The following MINK1 variants were observed in gnomAD, a reference collection of about 807,000 sequenced individuals.
The protein encoded by MINK1 is misshapen-like kinase 1.
A neutral mutation model predicts 178.4 loss-of-function variants in MINK1; 46 were observed. The observed-to-expected ratio is 0.26, with a 90% CI of 0.20 to 0.33. The LOEUF is 0.33. Ranked by LOEUF, MINK1 falls within the 10% of genes least tolerant of loss-of-function variation. The pLI, the probability that MINK1 is intolerant of heterozygous loss-of-function variation, is 1.00. For missense variants in MINK1, 1,366 were observed against 1,814.9 expected (o/e 0.75, Z 4.49); for synonymous variants, 797 against 709.7 (o/e 1.12, Z -1.96).
rs1433481469 is a variant in MINK1 at position 4,886,768 on chromosome 17, C to T, written c.949+142C>T. The T allele has an allele frequency of 7.1e-6, 7 of 979,562 alleles. 1 individual carries two copies. The African/African-American group carries it at 1.2e-4, about 16-fold the overall frequency. 60.7% of individuals were successfully genotyped at this position (979,562 alleles called of 1,614,324 possible). On this transcript the variant is annotated intron_variant, in intron 10 of 31. Coordinates refer to ENST00000355280, the MANE Select transcript of MINK1 (RefSeq NM_153827.5). The surrounding 1 kb of genome is among the most constrained non-coding windows in gnomAD (Gnocchi z 6.1). ...CCTGTCCAAGGAGATCGTTCTCAAA[C>T]TTGCAACCCCCAAGGGGTTTTCCCT...
chr17:4,844,731 A>G (rs941816158), intron 1 of MINK1: 6 of 320,158 alleles, frequency 1.9e-5, no homozygotes, highest in Admixed American at 1.9e-4. Context: ...AGACTTCAGA[A>G]TATTTGGTCT....
At chr17:4,891,796 A>G (rs747094414) in intron 16 of MINK1, 80 bp downstream of exon 16, 38 of 1,480,444 alleles carry the variant, frequency 2.6e-5, no homozygotes, top group Non-Finnish European at 3.2e-5. Flanking sequence ...GGCAGGCCAC[A>G]TGGAGGAAGA....
At position 4,885,762 on chromosome 17, in the gene MINK1, G is replaced by A. The variant is rs746817269; in HGVS notation, c.639+149G>A. The A allele has an allele frequency of 2.7e-5, 37 of 1,395,584 alleles. No individual in the cohort carries two copies. Among genetic ancestry groups the A allele is most frequent in the South Asian group, 1.9e-4 (15 of 77,088 alleles). The allele number at this position is 1,395,584 out of a possible 1,614,324, so 86.5% of individuals were successfully genotyped here. A position where few individuals can be genotyped will look rare whatever the true frequency, so the allele number is the denominator to read the frequency against. ...GAACATCTTACGGCAAGGCAAGTGTGGGTGGGAAGATGGGATGGGTTGGAA... is the reference window on the plus strand; with the variant it reads ...GAACATCTTACGGCAAGGCAAGTGTAGGTGGGAAGATGGGATGGGTTGGAA... On this transcript the variant is annotated intron_variant, in intron 7 of 31. Coordinates refer to ENST00000355280, the MANE Select transcript of MINK1 (RefSeq NM_153827.5). This position sits in a 1 kb window ranked among gnomAD's most constrained non-coding sequence, Gnocchi z 5.0.
In MINK1 at chr17:4,890,530, A is replaced by G. The variant is rs564944538; in HGVS notation, c.1361A>G (p.Lys454Arg). ...QAEREQEYKR[K>R]QLEEQRQSER... ...CCTTGGGCCCAGGAATACAAGCGGA[A>G]GCAGCTGGAGGAGCAGCGGCAGTCA... The change falls in exon 14 of 32, where the codon AAG (lysine) becomes AGG (arginine). Residue 454 changes from lysine to arginine, a missense_variant. Coordinates refer to ENST00000355280, the MANE Select transcript of MINK1 (RefSeq NM_153827.5). The G allele has an allele frequency of 6.3e-7, 1 of 1,589,500 alleles. No homozygotes were observed. The highest frequency in any genetic ancestry group is 1.3e-5 in the African/African-American group (1 of 74,378).
intron 1 of MINK1, among the ~76,000 whole-genome samples, chr17:4,864,936 G>A (rs905339762): frequency 2.2e-4 from 34 of 152,048 alleles, no homozygotes; most frequent in Admixed American, 2.1e-3. Flanking sequence ...CCCCAGCCTC[G>A]GTCAGGTGTG....
At chr17:4,888,432 T>G (rs1181674480) in intron 12 of MINK1, among the ~76,000 whole-genome samples, 1 of 151,838 alleles carries the variant, frequency 6.6e-6, no homozygotes, top group Non-Finnish European at 1.5e-5. Context: ...GATCAGGAGT[T>G]CGAGACCAGC....
chr17:4,886,024 C>T lies in MINK1; in HGVS notation c.694+59C>T, dbSNP rs1968163248. 6.2e-7 allele frequency: 1 copy of T among 1,609,746 alleles called. No individual in the cohort carries two copies. The highest frequency in any genetic ancestry group is 1.7e-5 in the Admixed American group (1 of 59,984). ...GGGAAAGGAAGGGCCCAGAGAGTGG[C>T]TGTAGGGAGGAGGTGGGTCCTGGGA... On this transcript the variant is annotated intron_variant, in intron 8 of 31. Transcript: ENST00000355280. This position sits in a 1 kb window ranked among gnomAD's most constrained non-coding sequence, Gnocchi z 6.1.
chr17:4,891,165 A>G, intron 15 of MINK1, 41 bp downstream of exon 15: 1 of 1,455,086 alleles, frequency 6.9e-7, no homozygotes, highest in Non-Finnish European at 9.1e-7. Flanking sequence ...AGACACAGGG[A>G]GCTTTGTTCA....
chr17:4,896,518 C>G lies in MINK1; in HGVS notation c.3705C>G (p.Val1235=). 2.5e-6 allele frequency: 4 copies of G among 1,613,968 alleles called. No homozygotes were observed. The highest frequency in any genetic ancestry group is 3.4e-6 in the Non-Finnish European group (4 of 1,179,866). The stretch of plus-strand genomic sequence containing the variant: ...TGCTGTGCTACGAGGACGAGGGTGT[C>G]TACGTCAACACGTACGGGCGCATCA... ...EMLLCYEDEG[V]YVNTYGRIIK... is the part of the protein sequence containing the mutation. The change falls in exon 30 of 32, where the codon GTC becomes GTG. Residue 1235 remains valine (V), a synonymous_variant. Transcript: ENST00000355280. This position sits in a 1 kb window ranked among gnomAD's most constrained non-coding sequence, Gnocchi z 4.6.
intron 1 of MINK1, among the ~76,000 whole-genome samples, chr17:4,840,875 G>A (rs193081147): frequency 2.6e-4 from 40 of 152,256 alleles, no homozygotes; most frequent in Non-Finnish European, 5.0e-4. Context: ...TCGGGAGGAT[G>A]GCAGCGTAGA....
chr17:4,895,549 C>T lies in MINK1; in HGVS notation c.3229+56C>T. 6.4e-7 allele frequency: 1 copy of T among 1,551,184 alleles called. No individual in the cohort carries two copies. Among genetic ancestry groups the T allele is most frequent in the South Asian group, 1.2e-5 (1 of 81,034 alleles). ...GGGGCTCAGCTCCTTGGCGCTGTCACCATCTTCTGCCTGGGAGGAGGGCAG... is the reference window on the plus strand; with the variant it reads ...GGGGCTCAGCTCCTTGGCGCTGTCATCATCTTCTGCCTGGGAGGAGGGCAG... On this transcript the variant is annotated intron_variant, in intron 26 of 31. Coordinates refer to ENST00000355280, the MANE Select transcript of MINK1 (RefSeq NM_153827.5). The surrounding 1 kb of genome is among the most constrained non-coding windows in gnomAD (Gnocchi z 4.3).
Position 4,896,130 on chromosome 17 carries a change from C to T in MINK1, c.3465+27C>T. 1 of 1,606,476 alleles carries T rather than the reference C, an allele frequency of 6.2e-7. No homozygotes were observed. The highest frequency in any genetic ancestry group is 8.5e-7 in the Non-Finnish European group (1 of 1,176,386). On this transcript the variant is annotated intron_variant, in intron 28 of 31. Coordinates refer to ENST00000355280, the MANE Select transcript of MINK1 (RefSeq NM_153827.5). The surrounding 1 kb of genome is among the most constrained non-coding windows in gnomAD (Gnocchi z 4.6). ...TAATCCCAGCCTCGGTCCCTAACAC[C>T]ATCTGGAGTCCCAGCGCCTCTCCCC... is the stretch of plus-strand genomic sequence containing the variant.
At position 4,857,042 on chromosome 17, in the gene MINK1, A is replaced by G. The variant is rs539308251; in HGVS notation, c.58-21275A>G. 1.3e-4 allele frequency: 25 copies of G among 187,624 alleles called. 2 individuals are homozygous for G. The South Asian group carries it at 2.5e-3, about 19-fold the overall frequency. The allele number at this position is 187,624 out of a possible 1,614,324, so 11.6% of individuals were successfully genotyped here. Reference sequence around the variant, plus strand: ...GCTGCTGGGCAGTGCCACACTTGCCAGTGTCCCCCACGATGACGATGGCAA... The same window carrying G: ...GCTGCTGGGCAGTGCCACACTTGCCGGTGTCCCCCACGATGACGATGGCAA... On this transcript the variant is annotated intron_variant, in intron 1 of 31. Transcript: ENST00000355280.
chr17:4,867,024 G>A (rs1281256226), intron 1 of MINK1, among the ~76,000 whole-genome samples: 2 of 145,120 alleles, frequency 1.4e-5, no homozygotes, highest in Non-Finnish European at 3.0e-5. Context: ...AGTGAACCGG[G>A]ACCGTGCCGC....
intron 1 of MINK1, among the ~76,000 whole-genome samples, chr17:4,847,556 C>T (rs1235255796): frequency 6.6e-6 from 1 of 152,152 alleles, no homozygotes; most frequent in African/African-American, 2.4e-5. Flanking sequence ...TGAGTGCCTA[C>T]TATGAGACAG....
intron 1 of MINK1, among the ~76,000 whole-genome samples, chr17:4,867,352 A>T (rs1567584945): frequency 6.6e-6 from 1 of 150,954 alleles, no homozygotes; most frequent in Non-Finnish European, 1.5e-5. Flanking sequence ...AAAATGCGTT[A>T]AAAAAATAGG....
At chr17:4,854,719 T>G (rs1297811041) in intron 1 of MINK1, 4 of 480,840 alleles carry the variant, frequency 8.3e-6, no homozygotes. Flanking sequence ...TCCCCTCCAG[T>G]GCTTCATTCC....
intron 1 of MINK1, among the ~76,000 whole-genome samples, chr17:4,877,099 A>G (rs1341572727): frequency 2.0e-5 from 3 of 151,858 alleles, no homozygotes; most frequent in Non-Finnish European, 2.9e-5. Context: ...AAGAAAAAAA[A>G]AAAAAAGAGC....
chr17:4,849,784 G>C (rs1911640294), intron 1 of MINK1, among the ~76,000 whole-genome samples: 2 of 152,110 alleles, frequency 1.3e-5, no homozygotes, highest in East Asian at 3.9e-4. Context: ...TGTTGGTCAG[G>C]CTAGTCTCGA....
Sources: allele counts gnomAD v4.1 joint callset (sites outside exome capture counted in the v4.1 genomes callset), GRCh38; gene constraint gnomAD v4.1.1; non-coding constraint Gnocchi (gnomAD v3.1); transcripts MANE v1.5; gene names NCBI Gene and HGNC (gene_info 2026-07-23, HGNC 2026-07-21).